Variants in CLNK observed in about 807,000 individuals in gnomAD.
The protein encoded by CLNK is cytokine-dependent hematopoietic cell linker.
Under a neutral mutation model 68.6 loss-of-function variants are expected in CLNK, and 74 were observed. That is an observed-to-expected ratio of 1.08 (90% CI 0.89 to 1.31). CLNK has a LOEUF of 1.31. CLNK is among the 50% of genes most tolerant of loss of function. The pLI, the probability that CLNK is intolerant of heterozygous loss-of-function variation, is 0.00. For missense variants in CLNK, 553 were observed against 515.3 expected, an observed-to-expected ratio of 1.07 and a Z score of -0.71; for synonymous variants, 198 against 172.2, an observed-to-expected ratio of 1.15 and a Z score of -1.17.
intron 2 of CLNK, among the ~76,000 whole-genome samples, chr4:10,637,980 A>G (rs1037494848): frequency 6.6e-6 from 1 of 152,098 alleles, no homozygotes; most frequent in African/African-American, 2.4e-5. Context: ...AATTAACCAG[A>G]AAATTAAAGC....
chr4:10,725,624 C>T, the CLNK span, among the ~76,000 whole-genome samples: 76 of 152,194 alleles, frequency 5.0e-4, no homozygotes, highest in Admixed American at 9.8e-4. Context: ...GAGGCCAAGG[C>T]GGGCGGATCA....
At chr4:10,661,398 G>T (rs531480403) in intron 2 of CLNK, among the ~76,000 whole-genome samples, 2 of 152,222 alleles carry the variant, frequency 1.3e-5, no homozygotes. Flanking sequence ...TGATGTATCC[G>T]TGATGAGAAA....
chr4:10,656,958 C>T (rs1724012688), intron 2 of CLNK, among the ~76,000 whole-genome samples: 1 of 152,100 alleles, frequency 6.6e-6, no homozygotes, highest in Non-Finnish European at 1.5e-5. Flanking sequence ...GACTATAGAA[C>T]AATCAGAACT....
intron 8 of CLNK, among the ~76,000 whole-genome samples, chr4:10,557,842 A>G (rs1444643755): frequency 2.0e-5 from 3 of 152,240 alleles, no homozygotes; most frequent in African/African-American, 7.2e-5. Flanking sequence ...TTTCCAGTCA[A>G]GCATTGTAAG....
chr4:10,711,650 T>C, the CLNK span, among the ~76,000 whole-genome samples: 2 of 152,178 alleles, frequency 1.3e-5, no homozygotes, highest in Non-Finnish European at 2.9e-5. Context: ...ACATTAGTGG[T>C]GGAGGAGTGT....
chr4:10,568,316 T>A (rs969888130), intron 5 of CLNK, among the ~76,000 whole-genome samples: 10 of 152,154 alleles, frequency 6.6e-5, no homozygotes, highest in African/African-American at 2.4e-4. Context: ...TCTGTTTATA[T>A]GAAATGTCTG....
intron 2 of CLNK, among the ~76,000 whole-genome samples, chr4:10,626,048 C>T (rs1722657941): frequency 6.6e-6 from 1 of 152,184 alleles, no homozygotes; most frequent in South Asian, 2.1e-4. Flanking sequence ...GGGGGACATC[C>T]TTCACTCGTG....
At chr4:10,683,012 CACTT>C (rs1234608800) in intron 1 of CLNK, among the ~76,000 whole-genome samples, 4 of 152,164 alleles carry the variant, frequency 2.6e-5, no homozygotes, top group Admixed American at 2.6e-4. Flanking sequence ...AAGAAGTCAA[CACTT>C]ACTGAATACT....
intron 2 of CLNK, among the ~76,000 whole-genome samples, chr4:10,641,763 A>C (rs1459581099): frequency 6.6e-6 from 1 of 152,190 alleles, no homozygotes; most frequent in Non-Finnish European, 1.5e-5. Flanking sequence ...TCTCATCTTG[A>C]ATTGTAGCTC....
the CLNK span, among the ~76,000 whole-genome samples, chr4:10,719,722 G>A: frequency 1.3e-5 from 2 of 152,090 alleles, no homozygotes; most frequent in African/African-American, 2.4e-5. Context: ...CCGTAGCATC[G>A]AATCAACCTT....
chr4:10,597,226 T>C (rs981191861), intron 3 of CLNK, among the ~76,000 whole-genome samples: 2 of 152,162 alleles, frequency 1.3e-5, no homozygotes, highest in African/African-American at 4.8e-5. Flanking sequence ...GTGAGGACCC[T>C]TGGGTGCCTC....
chr4:10,611,496 G>GAAAAA lies in CLNK; in HGVS notation c.12-13452_12-13448dup, dbSNP rs10692993. On this transcript the variant is annotated intron_variant, in intron 2 of 18. Coordinates refer to ENST00000226951, the MANE Select transcript of CLNK (RefSeq NM_052964.4). ...CTGGCCACAGAGGGAGGCTAAGTCTGAAAAAAAAAAAAAAATGTAGTGGAC... is the reference window on the plus strand; with the variant it reads ...CTGGCCACAGAGGGAGGCTAAGTCTGAAAAAAAAAAAAAAAAAAAATGTAGTGGAC... 6.9e-3 allele frequency among the ~76,000 whole-genome samples: 926 copies of GAAAAA among 134,634 alleles called. 25 individuals are homozygous for GAAAAA. The highest frequency in any genetic ancestry group is 0.012 in the Middle Eastern group (3 of 256). 88.3% of individuals were successfully genotyped at this position (134,634 alleles called of 152,430 possible).
chr4:10,733,982 G>A, the CLNK span, among the ~76,000 whole-genome samples: 1 of 152,186 alleles, frequency 6.6e-6, no homozygotes, highest in Non-Finnish European at 1.5e-5. Flanking sequence ...GCCCATTAGA[G>A]ATACATATCT....
At chr4:10,554,208 C>T (rs1478152184) in intron 8 of CLNK, among the ~76,000 whole-genome samples, 2 of 152,118 alleles carry the variant, frequency 1.3e-5, no homozygotes, top group Non-Finnish European at 2.9e-5. Flanking sequence ...ATGGTTGATT[C>T]CAGTGAACAC....
intron 3 of CLNK, among the ~76,000 whole-genome samples, 166 bp from the exon 4 acceptor site, chr4:10,585,121 T>C (rs895800520): frequency 6.6e-6 from 1 of 152,232 alleles, no homozygotes; most frequent in Non-Finnish European, 1.5e-5. Flanking sequence ...TTCTATTATA[T>C]ATAGAAATAT....
At chr4:10,724,099 T>C in the CLNK span, among the ~76,000 whole-genome samples, 583 of 152,272 alleles carry the variant, frequency 3.8e-3, 7 homozygotes, top group African/African-American at 0.014. Flanking sequence ...CATAAGTCCT[T>C]ATTATTGGAC....
At chr4:10,700,379 A>C in the CLNK span, among the ~76,000 whole-genome samples, 1 of 152,204 alleles carries the variant, frequency 6.6e-6, no homozygotes, top group Non-Finnish European at 1.5e-5. Flanking sequence ...CTAACTCCAA[A>C]GCCAAATATA....
intron 1 of CLNK, among the ~76,000 whole-genome samples, chr4:10,671,880 C>T (rs1421174579): frequency 6.6e-6 from 1 of 152,170 alleles, no homozygotes; most frequent in Non-Finnish European, 1.5e-5. Context: ...GAAGAAACAG[C>T]TTCCCCCCAA....
intron 2 of CLNK, among the ~76,000 whole-genome samples, chr4:10,612,593 T>C (rs1236394110): frequency 6.6e-6 from 1 of 152,242 alleles, no homozygotes; most frequent in Non-Finnish European, 1.5e-5. Flanking sequence ...TTCCACTGCG[T>C]CATGCTGGGT....
Sources: gnomAD v4.1 joint callset for allele counts (sites outside exome capture counted in the v4.1 genomes callset) on GRCh38, gnomAD v4.1.1 for gene constraint, MANE v1.5 for transcripts, NCBI Gene and HGNC (gene_info 2026-07-23, HGNC 2026-07-21) for gene names.